CBX1: variants seen among roughly 807,000 people sequenced by gnomAD.
CBX1 encodes the protein chromobox 1, also known as chromobox protein homolog 1.
A neutral mutation model predicts 25.1 loss-of-function variants in CBX1; 10 were observed. The observed-to-expected ratio is 0.40, with a 90% CI of 0.25 to 0.68. CBX1 has a LOEUF of 0.68. CBX1 is among the 30% of genes least tolerant of loss of function. The probability of loss-of-function intolerance (pLI) is 0.40; values close to 1 mark genes in which losing one functional copy is unlikely to be tolerated. For missense variants in CBX1, 106 were observed against 218.5 expected (o/e 0.49, Z 3.25); for synonymous variants, 63 against 79.4 (o/e 0.79, Z 1.10).
Position 48,077,151 on chromosome 17 carries a change from G to C in CBX1, c.-37-110C>G, listed in dbSNP as rs1163752715. 7 of 801,580 alleles carry C rather than the reference G, an allele frequency of 8.7e-6. No homozygotes were observed. In the African/African-American group the frequency reaches 1.1e-4, roughly 12 times the overall value. 49.7% of individuals were successfully genotyped at this position (801,580 alleles called of 1,614,324 possible). A position where few individuals can be genotyped will look rare whatever the true frequency, so the allele number is the denominator to read the frequency against. ...ATGACAGGTGATAATATTGTATGCTGCTTATAGTAAGTGTTAGGCTTCTTC... is the reference window on the plus strand; with the variant it reads ...ATGACAGGTGATAATATTGTATGCTCCTTATAGTAAGTGTTAGGCTTCTTC... On this transcript the variant is annotated intron_variant, in intron 1 of 4. Coordinates refer to ENST00000225603, the MANE Select transcript of CBX1 (RefSeq NM_001127228.2).
chr17:48,072,512 C>T (rs567456441), intron 4 of CBX1, among the ~76,000 whole-genome samples: 30 of 152,180 alleles, frequency 2.0e-4, no homozygotes, highest in African/African-American at 7.0e-4. Flanking sequence ...AAGTGGCTGG[C>T]CGCAGTGGCT....
intron 1 of CBX1, among the ~76,000 whole-genome samples, chr17:48,090,183 C>A (rs575259871): frequency 1.3e-5 from 2 of 151,944 alleles, no homozygotes; most frequent in East Asian, 3.9e-4. Context: ...ATTACAGGCA[C>A]GAGTCACTGC....
intron 1 of CBX1, among the ~76,000 whole-genome samples, chr17:48,084,153 T>A (rs925371854): frequency 4.0e-5 from 6 of 149,300 alleles, no homozygotes; most frequent in Non-Finnish European, 8.8e-5. Context: ...TTCAATTTTT[T>A]CTGGTGGAGA....
rs140217113 is a variant in CBX1, at chr17:48,085,421, G to A, written c.-37-8380C>T. 4.1e-3 allele frequency among the ~76,000 whole-genome samples: 628 copies of A among 152,084 alleles called. 9 individuals carry two copies. The highest frequency in any genetic ancestry group is 0.014 in the African/African-American group (577 of 41,498). On this transcript the variant is annotated intron_variant, in intron 1 of 4. Transcript: ENST00000225603. Reference sequence around the variant, plus strand: ...CTAGCAGCTAGCCAAAAACCTACAGGGTAACATCCCTCCAGCCTGTATAAG... The same window carrying A: ...CTAGCAGCTAGCCAAAAACCTACAGAGTAACATCCCTCCAGCCTGTATAAG...
chr17:48,072,170 G>A (rs1184737157), intron 4 of CBX1, among the ~76,000 whole-genome samples: 1 of 151,804 alleles, frequency 6.6e-6, no homozygotes, highest in African/African-American at 2.4e-5. Flanking sequence ...GCTAATTTTT[G>A]TATTTTTAGT....
intron 1 of CBX1, among the ~76,000 whole-genome samples, chr17:48,086,893 TA>T (rs2063314825): frequency 6.6e-6 from 1 of 150,836 alleles, no homozygotes; most frequent in African/African-American, 2.4e-5. Context: ...AAAAAAACAA[TA>T]AATAAACAAA....
At chr17:48,097,739 A>G (rs536915355) in intron 1 of CBX1, among the ~76,000 whole-genome samples, 2 of 152,326 alleles carry the variant, frequency 1.3e-5, no homozygotes, top group East Asian at 3.9e-4. Flanking sequence ...CAAAGTATAA[A>G]TGCTAAAGGC....
chr17:48,080,954 A>G (rs2037730125), intron 1 of CBX1, among the ~76,000 whole-genome samples: 1 of 18,526 alleles, frequency 5.4e-5, no homozygotes, highest in Admixed American at 7.3e-4. Context: ...AAAAAAAAAT[A>G]TATATATATA....
chr17:48,078,787 CTTT>C (rs1184844619), intron 1 of CBX1, among the ~76,000 whole-genome samples: 7 of 76,250 alleles, frequency 9.2e-5, no homozygotes, highest in African/African-American at 2.7e-4. Context: ...CGTGCCTGGA[CTTT>C]TTTTTTTTTT....
rs578002581 is a variant in CBX1 at position 48,071,174 on chromosome 17, G to C, written c.*261C>G. Reference sequence around the variant, plus strand: ...CTGCAAGTTTTGTCCTTCATAGAAGGCCCTTTGCTTTTCGCAGCAAAGTGC... The same window carrying C: ...CTGCAAGTTTTGTCCTTCATAGAAGCCCCTTTGCTTTTCGCAGCAAAGTGC... On this transcript the variant is annotated 3_prime_UTR_variant, in exon 5 of 5. Transcript: ENST00000225603. The C allele has an allele frequency of 3.3e-6, 1 of 307,210 alleles. No homozygotes were observed. The highest frequency in any genetic ancestry group is 4.6e-5 in the Admixed American group (1 of 21,846). 19.0% of individuals were successfully genotyped at this position (307,210 alleles called of 1,614,324 possible).
chr17:48,083,038 G>C (rs1044210813), intron 1 of CBX1, among the ~76,000 whole-genome samples: 1 of 148,698 alleles, frequency 6.7e-6, no homozygotes, highest in Non-Finnish European at 1.5e-5. Flanking sequence ...AGCTAATTTT[G>C]TATCTTTAGT....
chr17:48,079,283 T>C (rs1834709761), intron 1 of CBX1, among the ~76,000 whole-genome samples: 1 of 150,538 alleles, frequency 6.6e-6, no homozygotes, highest in Admixed American at 6.6e-5. Context: ...TTTTTGTTTT[T>C]TTAGTAGAGA....
chr17:48,074,890 T>G, intron 4 of CBX1, 116 bp downstream of exon 4: 1 of 790,116 alleles, frequency 1.3e-6, no homozygotes, highest in East Asian at 2.4e-5. Context: ...GACTATGCCA[T>G]CTTAACAATT....
At chr17:48,084,187 G>T (rs1298879351) in intron 1 of CBX1, among the ~76,000 whole-genome samples, 5 of 142,674 alleles carry the variant, frequency 3.5e-5, no homozygotes, top group Non-Finnish European at 3.0e-5. Flanking sequence ...TGTTGTTCAG[G>T]CTTCTCTTTC....
intron 1 of CBX1, 87 bp from the exon 2 acceptor site, chr17:48,077,128 G>A (rs1409623028): frequency 8.7e-6 from 9 of 1,031,454 alleles, no homozygotes; most frequent in African/African-American, 8.1e-5. Flanking sequence ...CCAGGGACAT[G>A]ACAGGTGATA....
chr17:48,098,615 A>G (rs2063389187), intron 1 of CBX1, among the ~76,000 whole-genome samples: 1 of 152,166 alleles, frequency 6.6e-6, no homozygotes, highest in African/African-American at 2.4e-5. Flanking sequence ...CTCCTGCCTC[A>G]GCCTCCCAAG....
intron 1 of CBX1, among the ~76,000 whole-genome samples, chr17:48,081,408 A>G (rs965463488): frequency 1.3e-5 from 2 of 152,160 alleles, no homozygotes; most frequent in African/African-American, 2.4e-5. Context: ...GGGGAAATCT[A>G]AAGTAAAGCA....
At position 48,071,446 on chromosome 17, in the gene CBX1, C is replaced by T; in HGVS notation, c.547G>A (p.Asp183Asn). ...GGTACTCAGGAGCGTTAGTTCTTGT[C>T]ATCTTTTTTGTCATCATCCTCCGAG... Reference protein sequence around the residue: ...YPSEDDDKKDDKN With the variant: ...YPSEDDDKKDNKN The change falls in exon 5 of 5, where the codon GAC becomes AAC. Residue 183 changes from aspartate to asparagine, a missense_variant. Around this residue, in one of 4 missense-constraint regions of CBX1, gnomAD observed 71 missense variants for 144.1 expected, o/e 0.49. Coordinates refer to ENST00000225603, the MANE Select transcript of CBX1 (RefSeq NM_001127228.2). 6.2e-7 allele frequency: 1 copy of T among 1,609,832 alleles called. No individual in the cohort carries two copies. Among genetic ancestry groups the T allele is most frequent in the Non-Finnish European group, 8.5e-7 (1 of 1,178,546 alleles).
At chr17:48,092,620 A>C (rs931902987) in intron 1 of CBX1, among the ~76,000 whole-genome samples, 1 of 151,432 alleles carries the variant, frequency 6.6e-6, no homozygotes, top group Non-Finnish European at 1.5e-5. Context: ...CACCTGGCTA[A>C]TTTTTCTATT....
Sources: gnomAD v4.1 joint callset for allele counts (sites outside exome capture counted in the v4.1 genomes callset) on GRCh38, gnomAD v4.1.1 for gene constraint, gnomAD v4.1.1 regional missense constraint, MANE v1.5 for transcripts, NCBI Gene and HGNC (gene_info 2026-07-23, HGNC 2026-07-21) for gene names.